Variants in PROS1 observed in about 807,000 individuals in gnomAD.
PROS1 encodes the protein vitamin K-dependent protein S.
PROS1 carries 29 observed loss-of-function variants against 75.9 expected under a neutral mutation model. The observed-to-expected ratio is 0.38, with a 90% CI of 0.28 to 0.52. The LOEUF is 0.52. PROS1 is among the 20% of genes least tolerant of loss of function. PROS1 has a pLI of 0.83. For missense variants in PROS1, 680 were observed against 810.3 expected, an observed-to-expected ratio of 0.84 and a Z score of 1.95; for synonymous variants, 245 against 280.6, an observed-to-expected ratio of 0.87 and a Z score of 1.27.
intron 1 of PROS1, among the ~76,000 whole-genome samples, chr3:93,936,650 A>G (rs1389820870): frequency 6.6e-6 from 1 of 152,044 alleles, no homozygotes; most frequent in Non-Finnish European, 1.5e-5. Flanking sequence ...GACTTTCTAG[A>G]CTCCAGAACT....
At chr3:93,893,223 G>T (rs997766574) in intron 9 of PROS1, 101 bp from the exon 10 acceptor site, 4 of 1,057,766 alleles carry the variant, frequency 3.8e-6, no homozygotes, top group Non-Finnish European at 5.7e-6. Flanking sequence ...CACAGACAAA[G>T]AGTCAATTAT....
Position 93,893,020 on chromosome 3 carries a change from A to T in PROS1, c.1068T>A (p.Gly356=). The change falls in exon 10 of 15, where the codon GGT becomes GGA. Residue 356 remains glycine (G), a synonymous_variant. Transcript: ENST00000394236. ...HSAWLLIALR[G]GKIEVQLKNE... ...TCTTAAGCTGAACTTCAATCTTTCC[A>T]CCACGAAGTGCAATCAGGAGCCACG... The T allele has an allele frequency of 6.2e-7, 1 of 1,613,880 alleles. No individual in the cohort carries two copies. Among genetic ancestry groups the T allele is most frequent in the South Asian group, 1.1e-5 (1 of 91,082 alleles).
chr3:93,910,539 C>A, intron 4 of PROS1, 80 bp downstream of exon 4: 2 of 1,167,260 alleles, frequency 1.7e-6, no homozygotes, highest in Non-Finnish European at 2.5e-6. Context: ...AATTTTTAAA[C>A]GTTAGTTTAT....
chr3:93,952,556 A>C (rs1259593259), intron 1 of PROS1, among the ~76,000 whole-genome samples: 1 of 152,312 alleles, frequency 6.6e-6, no homozygotes, highest in East Asian at 1.9e-4. Flanking sequence ...ACGTACCAGA[A>C]TCTCTGGGAC....
Position 93,973,792 on chromosome 3 carries a change from C to T in PROS1, c.-43G>A, listed in dbSNP as rs370938580. On this transcript the variant is annotated 5_prime_UTR_variant, in exon 1 of 15. Transcript: ENST00000394236. The stretch of plus-strand genomic sequence containing the variant: ...CGCCGGCAGGGACGGTGGCGCGTCG[C>T]GGCGGGGACCGGAGCGCTAGGCGCC... The T allele has an allele frequency of 9.0e-5, 139 of 1,545,284 alleles. No homozygotes were observed. The highest frequency in any genetic ancestry group is 1.2e-4 in the Non-Finnish European group (131 of 1,132,260).
intron 1 of PROS1, among the ~76,000 whole-genome samples, chr3:93,953,847 T>G (rs563371578): frequency 6.6e-6 from 1 of 152,088 alleles, no homozygotes; most frequent in Non-Finnish European, 1.5e-5. Flanking sequence ...CAGCCCAAAA[T>G]CTCCTTAAGC....
intron 6 of PROS1, among the ~76,000 whole-genome samples, chr3:93,902,660 G>A (rs1576185132): frequency 6.6e-6 from 1 of 151,780 alleles, no homozygotes; most frequent in African/African-American, 2.4e-5. Context: ...GGCTGAGGCA[G>A]GAGAATCACT....
chr3:93,937,319 C>G (rs527499938), intron 1 of PROS1, among the ~76,000 whole-genome samples: 1 of 151,694 alleles, frequency 6.6e-6, no homozygotes, highest in African/African-American at 2.4e-5. Flanking sequence ...TGTTCTTTTA[C>G]ACAATGCCGG....
intron 10 of PROS1, among the ~76,000 whole-genome samples, chr3:93,890,177 A>G (rs1708411924): frequency 6.6e-6 from 1 of 152,134 alleles, no homozygotes. Context: ...CAGGCTTATT[A>G]GGGTGGGGAA....
At chr3:93,898,416 A>T in intron 8 of PROS1, 32 bp downstream of exon 8, 1 of 1,610,074 alleles carries the variant, frequency 6.2e-7, no homozygotes, top group South Asian at 1.1e-5. Flanking sequence ...TTTAGAAAAC[A>T]GGTGAGAAGT....
At chr3:93,958,087 C>G (rs944643886) in intron 1 of PROS1, among the ~76,000 whole-genome samples, 1 of 151,256 alleles carries the variant, frequency 6.6e-6, no homozygotes, top group African/African-American at 2.4e-5. Flanking sequence ...GAATCCATCT[C>G]AAAAAAATAA....
rs761940023 is a variant in PROS1, at chr3:93,874,377, A to G, written c.1899T>C (p.Asn633=). Residue 633 remains asparagine, a synonymous_variant, in exon 15 of 15, where the codon AAT becomes AAC. Coordinates refer to ENST00000394236, the MANE Select transcript of PROS1 (RefSeq NM_000313.4). ...CTTCCATGCAGCCATTATAAAAGGC[A>G]TTCACTGGTGTGGCACTGAATGGAA... ...PDVPFSATPV[N]AFYNGCMEVN... is the part of the protein sequence containing the mutation. 3.7e-6 allele frequency: 6 copies of G among 1,613,446 alleles called. No individual in the cohort carries two copies. Among genetic ancestry groups the G allele is most frequent in the Non-Finnish European group, 5.1e-6 (6 of 1,179,520 alleles).
chr3:93,963,287 A>G (rs1397937975), intron 1 of PROS1, among the ~76,000 whole-genome samples: 1 of 152,212 alleles, frequency 6.6e-6, no homozygotes, highest in Admixed American at 6.5e-5. Context: ...ACAGCTCATC[A>G]TAAGCGGGAT....
intron 3 of PROS1, among the ~76,000 whole-genome samples, chr3:93,914,372 C>G (rs1438112505): frequency 3.3e-5 from 5 of 152,198 alleles, no homozygotes; most frequent in African/African-American, 1.2e-4. Flanking sequence ...AAATTTACAC[C>G]ACATGAATGC....
chr3:93,887,063 C>T (rs1310858654), intron 10 of PROS1, among the ~76,000 whole-genome samples: 2 of 151,374 alleles, frequency 1.3e-5, no homozygotes, highest in East Asian at 3.9e-4. Flanking sequence ...GGACTACAGG[C>T]GCCCGCCACT....
At chr3:93,876,588 CAAAAAAAAAA>C (rs34147087) in intron 14 of PROS1, among the ~76,000 whole-genome samples, 1 of 34,990 alleles carries the variant, frequency 2.9e-5, no homozygotes, top group Non-Finnish European at 4.9e-5. Context: ...GACTCCATCT[CAAAAAAAAAA>C]AAAAAAAAAA....
intron 1 of PROS1, among the ~76,000 whole-genome samples, chr3:93,934,157 G>A (rs1709148140): frequency 6.6e-6 from 1 of 151,776 alleles, no homozygotes; most frequent in South Asian, 2.1e-4. Context: ...TCCAGCCTGG[G>A]TGACAGAGCA....
intron 1 of PROS1, among the ~76,000 whole-genome samples, chr3:93,949,991 C>T (rs781719900): frequency 7.9e-5 from 12 of 152,164 alleles, no homozygotes; most frequent in East Asian, 1.9e-4. Flanking sequence ...CCTAATACTG[C>T]GCTTTTCCAA....
At chr3:93,956,533 T>TAC (rs758070649) in intron 1 of PROS1, among the ~76,000 whole-genome samples, 1,885 of 113,210 alleles carry the variant, frequency 0.017, 30 homozygotes, top group African/African-American at 0.06. Flanking sequence ...TCTCTCTCTC[T>TAC]ACACACACAC....
Sources: gnomAD v4.1 joint callset for allele counts (sites outside exome capture counted in the v4.1 genomes callset) on GRCh38, gnomAD v4.1.1 for gene constraint, MANE v1.5 for transcripts, NCBI Gene and HGNC (gene_info 2026-07-23, HGNC 2026-07-21) for gene names.